Variants in AHRR observed in about 807,000 individuals in gnomAD.
The protein encoded by AHRR is aryl hydrocarbon receptor repressor.
A neutral mutation model predicts 44.0 loss-of-function variants in AHRR; 28 were observed. The observed-to-expected ratio is 0.64, with a 90% CI of 0.47 to 0.87. The LOEUF (loss-of-function observed/expected upper bound fraction) is 0.87. Among genes scored for constraint, AHRR ranks in the 40% least tolerant of loss-of-function variants. The pLI, the probability that AHRR is intolerant of heterozygous loss-of-function variation, is 0.00. For synonymous variants in AHRR, 434 were observed against 407.0 expected (o/e 1.07, Z -0.80); for missense variants, 990 against 953.9 (o/e 1.04, Z -0.50).
chr5:323,140 G>A (rs1741565239), intron 1 of AHRR, among the ~76,000 whole-genome samples: 1 of 152,190 alleles, frequency 6.6e-6, no homozygotes, highest in South Asian at 2.1e-4. Context: ...GCAGTGGGTA[G>A]GGTCCTCCCC....
At position 403,109 on chromosome 5, in the gene AHRR, A is replaced by G. The variant is rs571519392; in HGVS notation, c.352-10235A>G. Among the ~76,000 whole-genome samples, 8 of 152,286 alleles carry G rather than the reference A, an allele frequency of 5.3e-5. No homozygotes were observed. In the South Asian group the frequency reaches 1.7e-3, roughly 32 times the overall value. On this transcript the variant is annotated intron_variant, in intron 4 of 10. Transcript: ENST00000684583. ...CGGATCCACCTTGACGACTCTGCGG[A>G]GTGAAACAAAGTCAAAGCCTGCTTG...
chr5:336,663 A>ATT (rs200995438), intron 1 of AHRR, among the ~76,000 whole-genome samples: 1 of 151,824 alleles, frequency 6.6e-6, no homozygotes, highest in African/African-American at 2.4e-5. Flanking sequence ...CAATTTATCA[A>ATT]TTTTTTTCTC....
intron 5 of AHRR, chr5:420,993 GTTC>G (rs1292476836): frequency 3.1e-5 from 12 of 381,412 alleles, no homozygotes; most frequent in South Asian, 6.1e-5. Context: ...ATACACGATG[GTTC>G]TTCTTATGGT....
chr5:427,653 C>T (rs1474280404), intron 7 of AHRR, 154 bp from the exon 8 acceptor site: 1 of 1,612,986 alleles, frequency 6.2e-7, no homozygotes, highest in African/African-American at 1.3e-5. Context: ...GGGTCACAGG[C>T]TTGGCAGCTG....
At chr5:360,447 G>C (rs1160302289) in intron 3 of AHRR, among the ~76,000 whole-genome samples, 1 of 152,228 alleles carries the variant, frequency 6.6e-6, no homozygotes, top group Non-Finnish European at 1.5e-5. Context: ...TAAGAATGTG[G>C]AAGTGACTTG....
intron 3 of AHRR, among the ~76,000 whole-genome samples, chr5:366,763 G>T (rs144332033): frequency 0.026 from 3,893 of 152,322 alleles, 87 homozygotes; most frequent in Non-Finnish European, 0.036. Flanking sequence ...GCACAGCATT[G>T]CTTTGCTGAT....
intron 4 of AHRR, among the ~76,000 whole-genome samples, chr5:389,663 C>T (rs1230560852): frequency 1.3e-5 from 2 of 152,016 alleles, no homozygotes; most frequent in East Asian, 2.0e-4. Context: ...GAGCACTGCA[C>T]GCCTCCACCA....
chr5:434,434 C>G lies in AHRR; in HGVS notation c.1694C>G (p.Thr565Ser), dbSNP rs1383563875. Residue 565 changes from threonine (T) to serine (S), a missense_variant, in exon 11 of 11, where the codon ACC (threonine) becomes AGC (serine). By Grantham distance (58) the Thr-to-Ser change is moderately conservative. Transcript: ENST00000684583. ...LGASDRSHPA[T>S]FPTRMHLKTE... ...GCCAGTGACAGGAGCCACCCAGCCA[C>G]CTTCCCTACCAGGATGCACCTGAAA... The G allele has an allele frequency of 1.2e-6, 2 of 1,613,454 alleles. No individual in the cohort carries two copies. Among genetic ancestry groups the G allele is most frequent in the Middle Eastern group, 3.3e-4 (2 of 6,060 alleles).
chr5:324,072 T>C (rs1213640585), intron 1 of AHRR, among the ~76,000 whole-genome samples: 1 of 149,200 alleles, frequency 6.7e-6, no homozygotes, highest in Admixed American at 6.6e-5. Flanking sequence ...TCTTTCCTTT[T>C]CTTTCGAGAC....
At position 421,421 on chromosome 5, in the gene AHRR, C is replaced by T. The variant is rs1029336207; in HGVS notation, c.442-1308C>T. ...GGCGGCCCGGACTCAGAGGCACAGG[C>T]AGAAGCAGCCTCGCGGGTGCCGGCG... On this transcript the variant is annotated intron_variant, in intron 5 of 10. Coordinates refer to ENST00000684583, the MANE Select transcript of AHRR (RefSeq NM_001377236.1). The T allele has an allele frequency of 1.8e-5, 10 of 551,578 alleles. No homozygotes were observed. The African/African-American group carries it at 2.0e-4, about 11-fold the overall frequency. 34.2% of individuals were successfully genotyped at this position (551,578 alleles called of 1,614,324 possible). A position where few individuals can be genotyped will look rare whatever the true frequency, so the allele number is the denominator to read the frequency against.
intron 5 of AHRR, among the ~76,000 whole-genome samples, chr5:416,655 T>C (rs924391434): frequency 1.3e-5 from 2 of 152,214 alleles, no homozygotes; most frequent in African/African-American, 4.8e-5. Context: ...CCCATGGAGC[T>C]GCCGTGGGAT....
Position 434,850 on chromosome 5 carries a change from C to G in AHRR, c.*16C>G. The G allele has an allele frequency of 6.5e-7, 1 of 1,532,786 alleles. No homozygotes were observed. Among genetic ancestry groups the G allele is most frequent in the Non-Finnish European group, 8.8e-7 (1 of 1,134,876 alleles). 94.9% of individuals were successfully genotyped at this position (1,532,786 alleles called of 1,614,324 possible). A position where few individuals can be genotyped will look rare whatever the true frequency, so the allele number is the denominator to read the frequency against. On this transcript the variant is annotated 3_prime_UTR_variant, in exon 11 of 11. Coordinates refer to ENST00000684583, the MANE Select transcript of AHRR (RefSeq NM_001377236.1). ...CCTGCCATAGCGCAGTGACCACCAT[C>G]CAAGCTCAGATCTGTGTGTCTACGC...
rs1157020932 is a variant in AHRR, at chr5:405,081, C to T, written c.352-8263C>T. ...CTAAGTCCCAAGTGTTCCATGGCCCCCTCCCCCAAAGAAATGCAGCAGGTC... is the reference window on the plus strand; with the variant it reads ...CTAAGTCCCAAGTGTTCCATGGCCCTCTCCCCCAAAGAAATGCAGCAGGTC... On this transcript the variant is annotated intron_variant, in intron 4 of 10. Coordinates refer to ENST00000684583, the MANE Select transcript of AHRR (RefSeq NM_001377236.1). The surrounding 1 kb of genome is among the most constrained non-coding windows in gnomAD (Gnocchi z 4.5). 6.6e-6 allele frequency among the ~76,000 whole-genome samples: 1 copy of T among 152,110 alleles called. No homozygotes were observed. Among genetic ancestry groups the T allele is most frequent in the Non-Finnish European group, 1.5e-5 (1 of 68,010 alleles).
chr5:403,599 C>G (rs1735121195), intron 4 of AHRR: 1 of 444,894 alleles, frequency 2.2e-6, no homozygotes, highest in Non-Finnish European at 4.0e-6. Context: ...TCGCACCACA[C>G]TGTACTCCAG....
chr5:422,636 G>C, intron 5 of AHRR, 93 bp from the exon 6 acceptor site: 1 of 1,554,934 alleles, frequency 6.4e-7, no homozygotes, highest in Non-Finnish European at 8.9e-7. Context: ...GCTTTGACAA[G>C]TGGAGTGGAA....
In AHRR at chr5:413,445, C is replaced by G; in HGVS notation, c.441+12C>G. On this transcript the variant is annotated intron_variant, in intron 5 of 10. Transcript: ENST00000684583. ...TGGGCTTCCATCAGGTAAATGAAACCAGAATAGCCCTCCAGTCTGTTAAGT... is the reference window on the plus strand; with the variant it reads ...TGGGCTTCCATCAGGTAAATGAAACGAGAATAGCCCTCCAGTCTGTTAAGT... 6.3e-7 allele frequency: 1 copy of G among 1,579,182 alleles called. No homozygotes were observed. Among genetic ancestry groups the G allele is most frequent in the Non-Finnish European group, 8.7e-7 (1 of 1,152,240 alleles).
At chr5:335,348 G>C (rs536638753) in intron 1 of AHRR, among the ~76,000 whole-genome samples, 2 of 152,316 alleles carry the variant, frequency 1.3e-5, no homozygotes, top group African/African-American at 4.8e-5. Flanking sequence ...GCAATCGGCT[G>C]TGCTGGCCAG....
chr5:359,370 C>T (rs1207512142), intron 3 of AHRR, among the ~76,000 whole-genome samples: 24 of 106,896 alleles, frequency 2.2e-4, no homozygotes, highest in African/African-American at 3.8e-4. Flanking sequence ...GGGCAGTCAG[C>T]GACTGAGGAA....
At chr5:369,342 A>G (rs973920068) in intron 3 of AHRR, among the ~76,000 whole-genome samples, 1 of 152,188 alleles carries the variant, frequency 6.6e-6, no homozygotes, top group African/African-American at 2.4e-5. Flanking sequence ...TTTCTGGGAC[A>G]CCTGAGGGCT....
Sources: gnomAD v4.1 joint callset for allele counts (sites outside exome capture counted in the v4.1 genomes callset) on GRCh38, gnomAD v4.1.1 for gene constraint, Gnocchi (gnomAD v3.1) non-coding constraint, MANE v1.5 for transcripts, NCBI Gene and HGNC (gene_info 2026-07-23, HGNC 2026-07-21) for gene names.